Variants in TRIM23 observed in about 807,000 individuals in gnomAD.
TRIM23 encodes the protein tripartite motif containing 23.
Under a neutral mutation model 71.0 loss-of-function variants are expected in TRIM23, and 27 were observed. The ratio of observed to expected loss-of-function variants is 0.38; its 90% confidence interval spans 0.28 to 0.52. The LOEUF (loss-of-function observed/expected upper bound fraction) is 0.52. TRIM23 is among the 20% of genes least tolerant of loss of function. The pLI is 0.84. For synonymous variants in TRIM23, 234 were observed against 238.0 expected, an observed-to-expected ratio of 0.98 and a Z score of 0.16; for missense variants, 482 against 692.3, an observed-to-expected ratio of 0.70 and a Z score of 3.41.
At chr5:65,619,967 C>A (rs529986093) in intron 1 of TRIM23, among the ~76,000 whole-genome samples, 1 of 151,970 alleles carries the variant, frequency 6.6e-6, no homozygotes, top group Non-Finnish European at 1.5e-5. Context: ...GCCTGTAAGC[C>A]CAGTTTACTC....
intron 1 of TRIM23, among the ~76,000 whole-genome samples, chr5:65,619,544 C>T (rs1297827898): frequency 6.6e-6 from 1 of 152,178 alleles, no homozygotes; most frequent in African/African-American, 2.4e-5. Flanking sequence ...TGATTTTAAA[C>T]CTAACTCTAC....
intron 6 of TRIM23, among the ~76,000 whole-genome samples, chr5:65,605,839 C>T (rs76270976): frequency 0.018 from 2,794 of 152,234 alleles, 67 homozygotes; most frequent in African/African-American, 0.055. Flanking sequence ...ACAGCAATTC[C>T]ACTGTTTCAG....
chr5:65,621,544 T>C (rs575221820), intron 1 of TRIM23, among the ~76,000 whole-genome samples: 1 of 152,276 alleles, frequency 6.6e-6, no homozygotes, highest in East Asian at 1.9e-4. Flanking sequence ...ATGCTGTTAA[T>C]GTATTTTTCA....
At position 65,591,642 on chromosome 5, in the gene TRIM23, CCTTT is replaced by C; in HGVS notation, c.*123_*126del. On this transcript the variant is annotated 3_prime_UTR_variant, in exon 11 of 11. Transcript: ENST00000231524. ...AGTACTGAATTCCCAATCCAAGATT[CCTTT>C]ATATATATATATATATATATGCATC... 1 of 692,256 alleles carries C rather than the reference CCTTT, an allele frequency of 1.4e-6. No homozygotes were observed. Among genetic ancestry groups the C allele is most frequent in the African/African-American group, 3.6e-5 (1 of 27,484 alleles). The allele number at this position is 692,256 out of a possible 1,614,324, so 42.9% of individuals were successfully genotyped here.
At chr5:65,600,891 G>C (rs1298187713) in intron 7 of TRIM23, among the ~76,000 whole-genome samples, 4 of 152,144 alleles carry the variant, frequency 2.6e-5, no homozygotes, top group African/African-American at 4.8e-5. Context: ...TATATGAAAA[G>C]ATGGTTAATG....
intron 7 of TRIM23, among the ~76,000 whole-genome samples, chr5:65,600,202 C>G (rs1399253932): frequency 6.6e-6 from 1 of 152,146 alleles, no homozygotes; most frequent in African/African-American, 2.4e-5. Flanking sequence ...CACCTCCAAC[C>G]AGGCCCCATT....
chr5:65,613,871 G>A, intron 3 of TRIM23: 1 of 1,433,942 alleles, frequency 7.0e-7, no homozygotes, highest in Admixed American at 2.2e-5. Context: ...TTATGATAAG[G>A]AAAAAAAAGT....
At chr5:65,592,179 T>C (rs1408647633) in intron 10 of TRIM23, among the ~76,000 whole-genome samples, 1 of 152,168 alleles carries the variant, frequency 6.6e-6, no homozygotes, top group Non-Finnish European at 1.5e-5. Context: ...AGCTTAACAA[T>C]GAAATCAATA....
intron 3 of TRIM23, among the ~76,000 whole-genome samples, chr5:65,613,297 G>A (rs1013309218): frequency 2.0e-5 from 3 of 152,152 alleles, no homozygotes; most frequent in South Asian, 2.1e-4. Flanking sequence ...AGAAAACAGA[G>A]TGTTGCAGTT....
intron 9 of TRIM23, among the ~76,000 whole-genome samples, chr5:65,595,077 A>G (rs1463202765): frequency 6.6e-6 from 1 of 152,128 alleles, no homozygotes; most frequent in Non-Finnish European, 1.5e-5. Context: ...TATTATGTCT[A>G]AGTTAACTAT....
chr5:65,603,774 G>A (rs893543708), intron 7 of TRIM23, among the ~76,000 whole-genome samples: 5 of 152,064 alleles, frequency 3.3e-5, no homozygotes, highest in African/African-American at 9.7e-5. Flanking sequence ...CACTTTAAAA[G>A]AGGTTTAAAT....
At chr5:65,595,746 C>A (rs1754183752) in intron 9 of TRIM23, among the ~76,000 whole-genome samples, 1 of 151,476 alleles carries the variant, frequency 6.6e-6, no homozygotes, top group African/African-American at 2.4e-5. Flanking sequence ...TACATTTTTT[C>A]TATTAATTAT....
chr5:65,590,637 A>C lies in TRIM23; in HGVS notation c.*1132T>G. On this transcript the variant is annotated 3_prime_UTR_variant, in exon 11 of 11. Coordinates refer to ENST00000231524, the MANE Select transcript of TRIM23 (RefSeq NM_001656.4). ...AAATGAAAAACAGTAAAGAGCACAC[A>C]TTTTTATTTACTCACAACACTGAAT... 1 of 989,030 alleles carries C rather than the reference A, an allele frequency of 1.0e-6. No homozygotes were observed. The highest frequency in any genetic ancestry group is 9.7e-5 in the East Asian group (1 of 10,264). The allele number at this position is 989,030 out of a possible 1,614,324, so 61.3% of individuals were successfully genotyped here.
intron 7 of TRIM23, among the ~76,000 whole-genome samples, chr5:65,599,852 T>C (rs372049968): frequency 2.0e-5 from 3 of 152,366 alleles, no homozygotes; most frequent in African/African-American, 7.2e-5. Flanking sequence ...ACAAAGCTAA[T>C]GTATTGTTCT....
intron 3 of TRIM23, among the ~76,000 whole-genome samples, chr5:65,613,516 T>C (rs896115705): frequency 1.3e-5 from 2 of 152,232 alleles, no homozygotes; most frequent in African/African-American, 4.8e-5. Flanking sequence ...TGTGCAGCTA[T>C]GCAAACACAT....
At chr5:65,618,703 C>G (rs1353624982) in intron 1 of TRIM23, among the ~76,000 whole-genome samples, 1 of 152,102 alleles carries the variant, frequency 6.6e-6, no homozygotes, top group Non-Finnish European at 1.5e-5. Flanking sequence ...AACAATTACC[C>G]CTGCAAATGA....
intron 4 of TRIM23, 27 bp downstream of exon 4, chr5:65,611,576 C>G: frequency 6.2e-7 from 1 of 1,600,760 alleles, no homozygotes; most frequent in Non-Finnish European, 8.5e-7. Context: ...CTACAGTGAT[C>G]CAACTGATTA....
rs953724559 is a variant in TRIM23 at position 65,611,801 on chromosome 5, C to T, written c.447G>A (p.Glu149=). The T allele has an allele frequency of 2.5e-6, 4 of 1,614,192 alleles. No individual in the cohort carries two copies. The highest frequency in any genetic ancestry group is 3.4e-6 in the Non-Finnish European group (4 of 1,180,018). The change falls in exon 4 of 11, where the codon GAG becomes GAA. Residue 149 remains glutamate, a synonymous_variant. Coordinates refer to ENST00000231524, the MANE Select transcript of TRIM23 (RefSeq NM_001656.4). ...CTVCATHLCS[E]CSQVTHSTKT... ...TTGTAGAATGAGTAACTTGAGAACA[C>T]TCAGAGCACAAATGAGTTGCACACA...
At chr5:65,601,626 C>T (rs1754366420) in intron 7 of TRIM23, among the ~76,000 whole-genome samples, 1 of 152,142 alleles carries the variant, frequency 6.6e-6, no homozygotes, top group African/African-American at 2.4e-5. Context: ...TGGGTGGGGG[C>T]ACACCCAAAA....
Sources: gnomAD v4.1 joint callset for allele counts (sites outside exome capture counted in the v4.1 genomes callset) on GRCh38, gnomAD v4.1.1 for gene constraint, MANE v1.5 for transcripts, NCBI Gene and HGNC (gene_info 2026-07-23, HGNC 2026-07-21) for gene names.